Variants in CDC42 observed in about 807,000 individuals in gnomAD.
The protein encoded by CDC42 is cell division cycle 42.
CDC42 carries 1 observed loss-of-function variant against 20.8 expected under a neutral mutation model. The observed-to-expected ratio is 0.05, with a 90% CI of 0.02 to 0.23. CDC42 has a LOEUF of 0.23. Ranked by LOEUF, CDC42 falls within the 10% of genes least tolerant of loss-of-function variation. The pLI is 1.00. For synonymous variants in CDC42, 72 were observed against 84.8 expected (o/e 0.85, Z 0.83); for missense variants, 49 against 227.9 (o/e 0.21, Z 5.05).
chr1:22,084,359 TTAA>T (rs1645639575), intron 3 of CDC42, among the ~76,000 whole-genome samples: 2 of 144,126 alleles, frequency 1.4e-5, no homozygotes, highest in Admixed American at 6.9e-5. Flanking sequence ...TTTTTTTTTT[TTAA>T]TTGTAGCCAT....
At chr1:22,056,141 C>T (rs1645302765) in intron 1 of CDC42, among the ~76,000 whole-genome samples, 2 of 152,182 alleles carry the variant, frequency 1.3e-5, no homozygotes, top group Admixed American at 1.3e-4. Context: ...TACTGCCATA[C>T]ATACAGTAGG....
chr1:22,056,742 G>A (rs1015977619), intron 1 of CDC42, among the ~76,000 whole-genome samples: 4 of 152,190 alleles, frequency 2.6e-5, no homozygotes, highest in African/African-American at 7.2e-5. Context: ...CCAATGTGGC[G>A]TCCCTTTTTG....
At chr1:22,078,145 T>G (rs1272770367) in intron 1 of CDC42, among the ~76,000 whole-genome samples, 3 of 152,222 alleles carry the variant, frequency 2.0e-5, no homozygotes, top group African/African-American at 4.8e-5. Context: ...TGATACAGCC[T>G]CTTCTCTTTC....
chr1:22,063,641 G>A (rs16826327), intron 1 of CDC42, among the ~76,000 whole-genome samples: 5 of 152,030 alleles, frequency 3.3e-5, no homozygotes, highest in Non-Finnish European at 5.9e-5. Flanking sequence ...TTTCTTTTGC[G>A]CTTTTTTCCC....
intron 1 of CDC42, among the ~76,000 whole-genome samples, chr1:22,066,504 C>T (rs1645425304): frequency 6.6e-6 from 1 of 152,152 alleles, no homozygotes; most frequent in African/African-American, 2.4e-5. Context: ...TGTGGGCATA[C>T]AGCAGTTATT....
At chr1:22,080,756 TTAGCATATGCTTTACTGAA>T (rs1645598845) in intron 2 of CDC42, among the ~76,000 whole-genome samples, 1 of 152,230 alleles carries the variant, frequency 6.6e-6, no homozygotes, top group South Asian at 2.1e-4. Context: ...ACAACCGATA[TTAGCATATGCTTTACTGAA>T]TTTGATAAGG....
rs568036195 is a variant in CDC42, at chr1:22,099,661, T to C, written c.*8144T>C. On this transcript the variant is annotated 3_prime_UTR_variant, in exon 6 of 6. Coordinates refer to ENST00000656825, the MANE Select transcript of CDC42 (RefSeq NM_001791.4). ...AGGAGCTTTTTGGGGGAGGTGACTT[T>C]AGGATCAGTTGTAGCATGAGAGAAT... Among the ~76,000 whole-genome samples, 175 of 152,312 alleles carry C rather than the reference T, an allele frequency of 1.1e-3. 1 individual carries two copies. Among genetic ancestry groups the C allele is most frequent in the Non-Finnish European group, 2.2e-3 (151 of 68,030 alleles).
At chr1:22,054,144 A>G (rs1645269051) in intron 1 of CDC42, among the ~76,000 whole-genome samples, 1 of 152,126 alleles carries the variant, frequency 6.6e-6, no homozygotes, top group Admixed American at 6.5e-5. Context: ...TAAAAACGAG[A>G]CTTCGATCTT....
At chr1:22,054,698 A>G (rs983119842) in intron 1 of CDC42, among the ~76,000 whole-genome samples, 1 of 151,860 alleles carries the variant, frequency 6.6e-6, no homozygotes, top group Non-Finnish European at 1.5e-5. Flanking sequence ...TGTAGTGTGT[A>G]GGCATTACAG....
intron 1 of CDC42, among the ~76,000 whole-genome samples, chr1:22,066,111 AT>A: frequency 6.6e-6 from 1 of 152,020 alleles, no homozygotes; most frequent in South Asian, 2.1e-4. Context: ...TAAGAATTTT[AT>A]TTTTTCTTGC....
intron 1 of CDC42, among the ~76,000 whole-genome samples, chr1:22,061,465 G>T (rs1164569861): frequency 7.1e-6 from 1 of 141,484 alleles, no homozygotes; most frequent in African/African-American, 2.6e-5. Flanking sequence ...AAATCATAAT[G>T]TATATAAGTT....
intron 1 of CDC42, among the ~76,000 whole-genome samples, chr1:22,071,986 A>G (rs1375006181): frequency 6.6e-6 from 1 of 151,642 alleles, no homozygotes; most frequent in Admixed American, 6.6e-5. Flanking sequence ...TAGGCTACCT[A>G]TACCTCTGCC....
intron 3 of CDC42, among the ~76,000 whole-genome samples, chr1:22,085,230 TAAA>T (rs552267987): frequency 2.3e-4 from 4 of 17,494 alleles, no homozygotes; most frequent in Non-Finnish European, 3.1e-4. Flanking sequence ...AGACTCTGTC[TAAA>T]AAAAAAAAAA....
rs1645766596 is a variant in CDC42, at chr1:22,097,668, A to G, written c.*6151A>G. Among the ~76,000 whole-genome samples, 1 of 152,240 alleles carries G rather than the reference A, an allele frequency of 6.6e-6. No individual in the cohort carries two copies. The highest frequency in any genetic ancestry group is 2.1e-4 in the South Asian group (1 of 4,830). ...GCCATCAGGTAATTTGTGCATTAGA[A>G]CTAGCTTGGAACAGAATGGGTAAAC... On this transcript the variant is annotated 3_prime_UTR_variant, in exon 6 of 6. Coordinates refer to ENST00000656825, the MANE Select transcript of CDC42 (RefSeq NM_001791.4).
chr1:22,065,862 G>A (rs1569978095), intron 1 of CDC42, among the ~76,000 whole-genome samples: 1 of 151,992 alleles, frequency 6.6e-6, no homozygotes, highest in Admixed American at 6.6e-5. Flanking sequence ...GGGTTCAAGC[G>A]ATTCTCAAGC....
chr1:22,099,402 C>G lies in CDC42; in HGVS notation c.*7885C>G, dbSNP rs1033406088. 6.6e-6 allele frequency among the ~76,000 whole-genome samples: 1 copy of G among 152,316 alleles called. No homozygotes were observed. The highest frequency in any genetic ancestry group is 2.4e-5 in the African/African-American group (1 of 41,566). ...CTGAGGTTGATAGTACAGGTATCTT[C>G]TTTTTATGGAGCAGGACTCTGAGAC... On this transcript the variant is annotated 3_prime_UTR_variant, in exon 6 of 6. Transcript: ENST00000656825.
intron 5 of CDC42, among the ~76,000 whole-genome samples, chr1:22,087,330 G>A (rs2124041103): frequency 6.6e-6 from 1 of 152,276 alleles, no homozygotes; most frequent in East Asian, 1.9e-4. Flanking sequence ...GTCAAAGAAG[G>A]CAGCCATGGC....
intron 1 of CDC42, among the ~76,000 whole-genome samples, chr1:22,073,234 TAG>T (rs1040507733): frequency 6.6e-6 from 1 of 152,114 alleles, no homozygotes; most frequent in Non-Finnish European, 1.5e-5. Context: ...TGAATTCCCA[TAG>T]TGTTAAGAAC....
At position 22,081,096 on chromosome 1, in the gene CDC42, G is replaced by A. The variant is rs534652039; in HGVS notation, c.106-626G>A. 1.9e-3 allele frequency among the ~76,000 whole-genome samples: 294 copies of A among 152,280 alleles called. 2 individuals are homozygous for A. Among genetic ancestry groups the A allele is most frequent in the Non-Finnish European group, 3.5e-3 (237 of 68,024 alleles). ...AGGTGGGAGAATCGCTTGATCCCAG[G>A]AGGCAGAGGTTGCAGTGAGCCGAGA... On this transcript the variant is annotated intron_variant, in intron 2 of 5. Transcript: ENST00000656825.
Sources: allele counts gnomAD v4.1 joint callset (sites outside exome capture counted in the v4.1 genomes callset), GRCh38; gene constraint gnomAD v4.1.1; transcripts MANE v1.5; gene names NCBI Gene and HGNC (gene_info 2026-07-23, HGNC 2026-07-21).